The following FOXO1 variants were observed in gnomAD, a reference collection of about 807,000 sequenced individuals.
FOXO1 encodes forkhead box protein O1.
Under a neutral mutation model 44.1 loss-of-function variants are expected in FOXO1, and 6 were observed. That is an observed-to-expected ratio of 0.14 (90% CI 0.07 to 0.27). The LOEUF (loss-of-function observed/expected upper bound fraction) is 0.27, where lower values mean the gene tolerates loss of function less well. FOXO1 is among the 10% of genes least tolerant of loss of function. The pLI is 1.00. For synonymous variants in FOXO1, 380 were observed against 362.7 expected (o/e 1.05, Z -0.54); for missense variants, 737 against 888.8 (o/e 0.83, Z 2.17).
intron 1 of FOXO1, among the ~76,000 whole-genome samples, chr13:40,567,448 T>A (rs934381915): frequency 6.6e-6 from 1 of 151,858 alleles, no homozygotes; most frequent in East Asian, 1.9e-4. Context: ...AAAGGAAAAA[T>A]TAAGACTCAG....
intron 1 of FOXO1, among the ~76,000 whole-genome samples, chr13:40,654,500 CAAAAA>C (rs199597846): frequency 9.2e-6 from 1 of 108,236 alleles, no homozygotes; most frequent in Non-Finnish European, 2.2e-5. Flanking sequence ...GACTCTGTCA[CAAAAA>C]AAAAAAAAAA....
intron 1 of FOXO1, among the ~76,000 whole-genome samples, chr13:40,569,018 C>G (rs1466597345): frequency 6.6e-6 from 1 of 152,200 alleles, no homozygotes; most frequent in Non-Finnish European, 1.5e-5. Flanking sequence ...TATTCCTCCC[C>G]TAGCCAAGCC....
chr13:40,616,923 G>T (rs901499050), intron 1 of FOXO1, among the ~76,000 whole-genome samples: 2 of 152,118 alleles, frequency 1.3e-5, no homozygotes, highest in Non-Finnish European at 1.5e-5. Context: ...GAGCTTCTCG[G>T]GGCTCCTTTT....
In FOXO1 at chr13:40,557,493, G is replaced by T. The variant is rs1420109643; in HGVS notation, c.*1556C>A. The T allele has an allele frequency of 6.6e-6, 1 of 152,216 alleles. No homozygotes were observed. The highest frequency in any genetic ancestry group is 2.4e-5 in the African/African-American group (1 of 41,448). 9.4% of individuals were successfully genotyped at this position (152,216 alleles called of 1,614,324 possible). On this transcript the variant is annotated 3_prime_UTR_variant, in exon 3 of 3. Coordinates refer to ENST00000379561, the MANE Select transcript of FOXO1 (RefSeq NM_002015.4). ...TCAAATAAATCTCCCCAATTTTTAAGTAAGTTCTATTCCATTTGCTACCCA... is the reference window on the plus strand; with the variant it reads ...TCAAATAAATCTCCCCAATTTTTAATTAAGTTCTATTCCATTTGCTACCCA...
intron 1 of FOXO1, among the ~76,000 whole-genome samples, chr13:40,610,591 A>T (rs1876193599): frequency 6.6e-6 from 1 of 152,248 alleles, no homozygotes; most frequent in South Asian, 2.1e-4. Flanking sequence ...ATCATGGCTC[A>T]TTGTGGCTCA....
chr13:40,577,167 C>T (rs969499354), intron 1 of FOXO1, among the ~76,000 whole-genome samples: 12 of 139,928 alleles, frequency 8.6e-5, no homozygotes, highest in Non-Finnish European at 1.7e-4. Flanking sequence ...CCACCCACCC[C>T]TCCTCCTCAA....
chr13:40,654,671 G>A (rs187329502), intron 1 of FOXO1, among the ~76,000 whole-genome samples: 144 of 152,230 alleles, frequency 9.5e-4, no homozygotes, highest in African/African-American at 3.3e-3. Context: ...ATATGTGGCT[G>A]GCCAGAGATG....
intron 1 of FOXO1, among the ~76,000 whole-genome samples, chr13:40,640,023 G>A (rs1243727563): frequency 1.3e-5 from 2 of 152,166 alleles, no homozygotes; most frequent in Non-Finnish European, 2.9e-5. Context: ...AAGCTTGAAC[G>A]GATTTGTGAC....
intron 1 of FOXO1, among the ~76,000 whole-genome samples, chr13:40,593,737 A>C (rs190399313): frequency 6.6e-6 from 1 of 152,314 alleles, no homozygotes; most frequent in Non-Finnish European, 1.5e-5. Flanking sequence ...GCTTGCAGTA[A>C]ATCTACCCCA....
chr13:40,573,557 C>T (rs1874628641), intron 1 of FOXO1, among the ~76,000 whole-genome samples: 1 of 152,174 alleles, frequency 6.6e-6, no homozygotes, highest in African/African-American at 2.4e-5. Context: ...ACCATATGGA[C>T]AGTGTTCCTT....
chr13:40,559,427 G>A, intron 2 of FOXO1, 82 bp downstream of exon 2: 1 of 1,267,534 alleles, frequency 7.9e-7, no homozygotes, highest in Non-Finnish European at 1.1e-6. Context: ...CATCAAAGAT[G>A]TGCTAACCAT....
chr13:40,612,508 C>A (rs1382485790), intron 1 of FOXO1, among the ~76,000 whole-genome samples: 1 of 152,164 alleles, frequency 6.6e-6, no homozygotes, highest in African/African-American at 2.4e-5. Context: ...CACGTGCGTT[C>A]GCAAGCATGC....
At chr13:40,636,061 T>C (rs1420974637) in intron 1 of FOXO1, among the ~76,000 whole-genome samples, 6 of 152,022 alleles carry the variant, frequency 3.9e-5, no homozygotes, top group African/African-American at 1.2e-4. Context: ...AATACAAATA[T>C]TAGCCAGGCG....
At chr13:40,584,626 G>A (rs1326274396) in intron 1 of FOXO1, among the ~76,000 whole-genome samples, 1 of 152,112 alleles carries the variant, frequency 6.6e-6, no homozygotes, top group African/African-American at 2.4e-5. Flanking sequence ...TCCAGCCAGG[G>A]GGGCAAAGTG....
intron 1 of FOXO1, among the ~76,000 whole-genome samples, chr13:40,640,334 C>T (rs1047677027): frequency 1.3e-5 from 2 of 152,230 alleles, no homozygotes; most frequent in Non-Finnish European, 2.9e-5. Context: ...CTAAGCCAAG[C>T]AATGTCTGGC....
chr13:40,555,813 A>G lies in FOXO1; in HGVS notation c.*3236T>C, dbSNP rs183408269. ...ATGGCTTTATACAATTATAGCAAAG[A>G]TTGTTCTTGTGTCTGTAAGTACATC... On this transcript the variant is annotated 3_prime_UTR_variant, in exon 3 of 3. Coordinates refer to ENST00000379561, the MANE Select transcript of FOXO1 (RefSeq NM_002015.4). The G allele has an allele frequency of 3.3e-5, 5 of 152,820 alleles. No homozygotes were observed. In the East Asian group the frequency reaches 7.7e-4, roughly 24 times the overall value. The allele number at this position is 152,820 out of a possible 1,614,324, so 9.5% of individuals were successfully genotyped here.
intron 1 of FOXO1, among the ~76,000 whole-genome samples, chr13:40,642,246 G>C (rs1371592918): frequency 1.3e-5 from 2 of 152,134 alleles, no homozygotes; most frequent in Non-Finnish European, 2.9e-5. Context: ...TAATTCTATA[G>C]ATTTTTTTCA....
intron 1 of FOXO1, among the ~76,000 whole-genome samples, chr13:40,600,594 T>C (rs1470023982): frequency 6.6e-6 from 1 of 152,224 alleles, no homozygotes; most frequent in African/African-American, 2.4e-5. Flanking sequence ...AGAAGCTTCA[T>C]TAACTCCTTC....
At chr13:40,600,892 A>G (rs953598344) in intron 1 of FOXO1, among the ~76,000 whole-genome samples, 1 of 152,212 alleles carries the variant, frequency 6.6e-6, no homozygotes, top group Non-Finnish European at 1.5e-5. Context: ...TAAATCTTAG[A>G]TGATTACAAC....
Sources: allele counts gnomAD v4.1 joint callset (sites outside exome capture counted in the v4.1 genomes callset), GRCh38; gene constraint gnomAD v4.1.1; transcripts MANE v1.5; gene names NCBI Gene and HGNC (gene_info 2026-07-23, HGNC 2026-07-21).